The following PRKAR1B variants were observed in gnomAD, a reference collection of about 807,000 sequenced individuals.
PRKAR1B encodes protein kinase cAMP-dependent type I regulatory subunit beta.
Under a neutral mutation model 46.5 loss-of-function variants are expected in PRKAR1B, and 22 were observed. The observed-to-expected ratio is 0.47, with a 90% CI of 0.34 to 0.68. The LOEUF is 0.68. PRKAR1B is among the 30% of genes least tolerant of loss of function. The pLI is 0.01. For synonymous variants in PRKAR1B, 259 were observed against 217.7 expected (o/e 1.19, Z -1.67); for missense variants, 445 against 535.6 (o/e 0.83, Z 1.67).
intron 4 of PRKAR1B, among the ~76,000 whole-genome samples, chr7:641,742 G>A (rs994449125): frequency 1.3e-5 from 2 of 152,022 alleles, no homozygotes; most frequent in African/African-American, 4.8e-5. Context: ...CGTATTGAAC[G>A]ACTCTATTTA....
At chr7:690,178 C>T (rs1486198574) in intron 2 of PRKAR1B, among the ~76,000 whole-genome samples, 1 of 151,892 alleles carries the variant, frequency 6.6e-6, no homozygotes, top group Non-Finnish European at 1.5e-5. Context: ...CTCCTGTAAT[C>T]CCAGCTACTC....
intron 7 of PRKAR1B, among the ~76,000 whole-genome samples, chr7:585,689 G>A (rs1199350264): frequency 3.9e-5 from 6 of 152,024 alleles, no homozygotes; most frequent in Non-Finnish European, 7.4e-5. Flanking sequence ...CATCGACCTC[G>A]CAACAGATAA....
chr7:728,328 C>A (rs1781435520), upstream of PRKAR1B, among the ~76,000 whole-genome samples: 1 of 152,208 alleles, frequency 6.6e-6, no homozygotes, highest in South Asian at 2.1e-4. Flanking sequence ...ATCTGGCCAG[C>A]TCAGGCCGTC....
chr7:657,247 G>T (rs886132942), intron 4 of PRKAR1B, among the ~76,000 whole-genome samples: 5 of 149,750 alleles, frequency 3.3e-5, no homozygotes, highest in African/African-American at 4.9e-5. Flanking sequence ...ATAAATGAAT[G>T]GATGGATGAA....
chr7:679,303 G>T (rs1778522545), intron 3 of PRKAR1B, among the ~76,000 whole-genome samples: 1 of 152,132 alleles, frequency 6.6e-6, no homozygotes, highest in African/African-American at 2.4e-5. Flanking sequence ...GCCTTTTTCT[G>T]TCCCAGGACC....
intron 4 of PRKAR1B, chr7:608,469 A>C (rs1172239017): frequency 6.6e-6 from 1 of 152,264 alleles, no homozygotes; most frequent in Non-Finnish European, 1.5e-5. Context: ...TCCATAAATA[A>C]GTCATTCTTA....
At position 572,255 on chromosome 7, in the gene PRKAR1B, G is replaced by A. The variant is rs141942341; in HGVS notation, c.891+7001C>T. 2.2e-3 allele frequency among the ~76,000 whole-genome samples: 335 copies of A among 152,326 alleles called. 6 individuals carry two copies. In the East Asian group the frequency reaches 0.048, roughly 22 times the overall value. On this transcript the variant is annotated intron_variant, in intron 9 of 10. Coordinates refer to ENST00000537384, the MANE Select transcript of PRKAR1B (RefSeq NM_001164760.2). ...CAAGGTTCACAACCCACAGGCCTGC[G>A]GAGGAGTGACCGCTCCAGTCTGCTG... is the stretch of plus-strand genomic sequence containing the variant.
intron 7 of PRKAR1B, among the ~76,000 whole-genome samples, chr7:595,366 G>A (rs1319161376): frequency 4.6e-5 from 7 of 152,142 alleles, no homozygotes; most frequent in Non-Finnish European, 7.4e-5. Context: ...CCTGCTTCTC[G>A]GCTTGGTCCT....
chr7:628,081 C>A (rs1783514479), intron 4 of PRKAR1B, among the ~76,000 whole-genome samples: 1 of 152,186 alleles, frequency 6.6e-6, no homozygotes, highest in Non-Finnish European at 1.5e-5. Context: ...TCCCCAAAGA[C>A]CATGCGAAAG....
intron 4 of PRKAR1B, among the ~76,000 whole-genome samples, chr7:610,598 G>C (rs1244208745): frequency 6.6e-6 from 1 of 152,146 alleles, no homozygotes; most frequent in Non-Finnish European, 1.5e-5. Flanking sequence ...CGCCGACAAA[G>C]GCCTGAACAC....
At chr7:614,012 C>T (rs575887307) in intron 4 of PRKAR1B, among the ~76,000 whole-genome samples, 4 of 152,214 alleles carry the variant, frequency 2.6e-5, no homozygotes, top group South Asian at 2.1e-4. Flanking sequence ...CCCAGGGAAC[C>T]GGACTGTGAG....
At chr7:669,522 G>A (rs1000661706) in intron 4 of PRKAR1B, among the ~76,000 whole-genome samples, 2 of 152,098 alleles carry the variant, frequency 1.3e-5, no homozygotes, top group African/African-American at 4.8e-5. Flanking sequence ...CCAGCACTTT[G>A]GGAGGCTGAG....
At chr7:590,869 A>G (rs1780931485) in intron 7 of PRKAR1B, among the ~76,000 whole-genome samples, 1 of 151,898 alleles carries the variant, frequency 6.6e-6, no homozygotes, top group African/African-American at 2.4e-5. Flanking sequence ...CTTTTCAGAA[A>G]CGCCGAGCCC....
chr7:569,428 C>G (rs1283484258), intron 9 of PRKAR1B, among the ~76,000 whole-genome samples: 1 of 152,226 alleles, frequency 6.6e-6, no homozygotes, highest in Non-Finnish European at 1.5e-5. Flanking sequence ...CTGGGAAGCT[C>G]TCCCCGGCCC....
intron 9 of PRKAR1B, among the ~76,000 whole-genome samples, chr7:556,237 C>T (rs535208673): frequency 5.7e-4 from 87 of 152,206 alleles, no homozygotes; most frequent in Non-Finnish European, 1.1e-3. Context: ...TGGACACCCA[C>T]CACGTGCCAG....
intron 4 of PRKAR1B, among the ~76,000 whole-genome samples, chr7:659,068 C>T (rs773722918): frequency 1.3e-5 from 2 of 152,124 alleles, no homozygotes; most frequent in African/African-American, 4.8e-5. Flanking sequence ...AGACACTCTG[C>T]GGAGATGTGC....
chr7:550,292 G>A lies in PRKAR1B; in HGVS notation c.*138C>T. On this transcript the variant is annotated 3_prime_UTR_variant, in exon 11 of 11. Coordinates refer to ENST00000537384, the MANE Select transcript of PRKAR1B (RefSeq NM_001164760.2). ...ATTTATTCCAAAAAGTGAGTCCGGG[G>A]AAGGGGCAGTCCTCACGCTGCCGGG... 1 of 670,452 alleles carries A rather than the reference G, an allele frequency of 1.5e-6. No homozygotes were observed. Among genetic ancestry groups the A allele is most frequent in the Non-Finnish European group, 2.6e-6 (1 of 387,568 alleles). 41.5% of individuals were successfully genotyped at this position (670,452 alleles called of 1,614,324 possible).
rs1133674 is a variant in PRKAR1B at position 608,146 on chromosome 7, C to T, written c.441-694G>A. ...TGTCGGCCAGGAAGGTAGAGAGGCA[C>T]CTACCCCAGAACACGGTGCCAGCGT... On this transcript the variant is annotated intron_variant, in intron 4 of 10. Transcript: ENST00000537384. 5.9e-3 allele frequency: 896 copies of T among 152,728 alleles called. 10 individuals carry two copies. The highest frequency in any genetic ancestry group is 9.5e-3 in the Non-Finnish European group (652 of 68,364). 9.5% of individuals were successfully genotyped at this position (152,728 alleles called of 1,614,324 possible). A position where few individuals can be genotyped will look rare whatever the true frequency, so the allele number is the denominator to read the frequency against.
At chr7:683,686 G>A (rs972005076) in intron 2 of PRKAR1B, among the ~76,000 whole-genome samples, 18 of 152,230 alleles carry the variant, frequency 1.2e-4, no homozygotes, top group South Asian at 4.1e-4. Context: ...ATGGAGCAGC[G>A]GGATGCAGTC....
Sources: allele counts gnomAD v4.1 joint callset (sites outside exome capture counted in the v4.1 genomes callset), GRCh38; gene constraint gnomAD v4.1.1; transcripts MANE v1.5; gene names NCBI Gene and HGNC (gene_info 2026-07-23, HGNC 2026-07-21).